TRDN: variants seen among roughly 807,000 people sequenced by gnomAD.
TRDN encodes the protein triadin in skeletal muscle.
TRDN carries 161 observed loss-of-function variants against 149.7 expected under a neutral mutation model. That is an observed-to-expected ratio of 1.08 (90% CI 0.95 to 1.23). The LOEUF (loss-of-function observed/expected upper bound fraction) is 1.23. Among genes scored for constraint, TRDN ranks in the 50% most tolerant of loss-of-function variants. The pLI is 0.00. For synonymous variants in TRDN, 294 were observed against 250.5 expected (o/e 1.17, Z -1.64); for missense variants, 896 against 823.5 (o/e 1.09, Z -1.08).
chr6:123,438,135 T>A lies in TRDN; in HGVS notation c.992-13A>T. On this transcript the variant is annotated splice_polypyrimidine_tract_variant and intron_variant, in intron 11 of 40. Coordinates refer to ENST00000334268, the MANE Select transcript of TRDN (RefSeq NM_006073.4). ...ATATCTTCTTTTTCTGCTGGTAAAA[T>A]AAGAAAGTTATAAGCCTTTACCTGT... is the stretch of plus-strand genomic sequence containing the variant. 6.4e-7 allele frequency: 1 copy of A among 1,568,616 alleles called. No individual in the cohort carries two copies. The highest frequency in any genetic ancestry group is 1.4e-5 in the African/African-American group (1 of 73,314).
intron 12 of TRDN, among the ~76,000 whole-genome samples, chr6:123,412,609 G>T (rs150835482): frequency 2.0e-5 from 3 of 151,928 alleles, no homozygotes; most frequent in African/African-American, 7.3e-5. Flanking sequence ...TACTCTTCTG[G>T]GTCTCTTAAT....
At chr6:123,328,490 T>G (rs1044941801) in intron 23 of TRDN, among the ~76,000 whole-genome samples, 1 of 152,208 alleles carries the variant, frequency 6.6e-6, no homozygotes, top group African/African-American at 2.4e-5. Flanking sequence ...CGTTTTTGTT[T>G]CTTTTTTTCC....
chr6:123,416,787 C>T (rs1003731722), intron 12 of TRDN, among the ~76,000 whole-genome samples: 22 of 151,836 alleles, frequency 1.4e-4, no homozygotes, highest in African/African-American at 4.8e-4. Context: ...CTGAAACCTC[C>T]GTCTCCCGGG....
At chr6:123,262,767 T>C (rs1282191115) in intron 33 of TRDN, among the ~76,000 whole-genome samples, 1 of 152,062 alleles carries the variant, frequency 6.6e-6, no homozygotes, top group Non-Finnish European at 1.5e-5. Context: ...ATTACATCTG[T>C]TATGGTGGTC....
At chr6:123,237,758 A>G (rs1487473388) in intron 38 of TRDN, among the ~76,000 whole-genome samples, 1 of 152,182 alleles carries the variant, frequency 6.6e-6, no homozygotes, top group Non-Finnish European at 1.5e-5. Context: ...TGGATTCCTC[A>G]AGTAGGTACA....
chr6:123,396,486 A>G (rs965355206), intron 12 of TRDN, among the ~76,000 whole-genome samples: 1 of 152,232 alleles, frequency 6.6e-6, no homozygotes, highest in Non-Finnish European at 1.5e-5. Context: ...ACAATATTCA[A>G]CTAAAGATTA....
rs1490723913 is a variant in TRDN, at chr6:123,217,870, G to A, written c.*731C>T. On this transcript the variant is annotated 3_prime_UTR_variant, in exon 41 of 41. Transcript: ENST00000334268. ...TCATTTGCTAATATTTTAAACAAAC[G>A]ATTCACCAGACCTGACTAATTGAAT... The A allele has an allele frequency of 2.0e-5, 3 of 151,884 alleles. No homozygotes were observed. Among genetic ancestry groups the A allele is most frequent in the Non-Finnish European group, 4.4e-5 (3 of 67,924 alleles). 9.4% of individuals were successfully genotyped at this position (151,884 alleles called of 1,614,324 possible). A position where few individuals can be genotyped will look rare whatever the true frequency, so the allele number is the denominator to read the frequency against.
At chr6:123,454,862 C>T (rs960111370) in intron 10 of TRDN, among the ~76,000 whole-genome samples, 55 of 152,124 alleles carry the variant, frequency 3.6e-4, no homozygotes, top group Non-Finnish European at 1.8e-4. Flanking sequence ...TCACCCCTGT[C>T]CCCGGGAAAA....
At chr6:123,249,840 T>A (rs142647842) in intron 38 of TRDN, among the ~76,000 whole-genome samples, 181 of 152,044 alleles carry the variant, frequency 1.2e-3, no homozygotes, top group Admixed American at 3.5e-3. Context: ...ATAAATAGAA[T>A]GTCCCAGCCA....
At chr6:123,604,144 A>C (rs1303829367) in intron 1 of TRDN, among the ~76,000 whole-genome samples, 2 of 152,174 alleles carry the variant, frequency 1.3e-5, no homozygotes, top group African/African-American at 4.8e-5. Flanking sequence ...ACAAGATCTG[A>C]TCCTTCCCTC....
chr6:123,480,726 T>C lies in TRDN; in HGVS notation c.854-15743A>G, dbSNP rs556570332. On this transcript the variant is annotated intron_variant, in intron 9 of 40. Transcript: ENST00000334268. ...TTCCCAGAGGTAAAATGATTACATT[T>C]ACAAAATGTATTAAAATAATTTATA... Among the ~76,000 whole-genome samples the C allele has an allele frequency of 7.2e-5, 11 of 152,216 alleles. No homozygotes were observed. In the East Asian group the frequency reaches 2.1e-3, roughly 29 times the overall value.
intron 9 of TRDN, among the ~76,000 whole-genome samples, chr6:123,465,813 T>C (rs1223437507): frequency 2.0e-5 from 3 of 152,184 alleles, no homozygotes; most frequent in Admixed American, 2.0e-4. Flanking sequence ...GAAATCAACA[T>C]GCAACATGGG....
chr6:123,614,202 G>T (rs1261740181), intron 1 of TRDN, among the ~76,000 whole-genome samples: 1 of 149,814 alleles, frequency 6.7e-6, no homozygotes. Flanking sequence ...GGGAGGCATG[G>T]CTGTAGGTAT....
intron 10 of TRDN, among the ~76,000 whole-genome samples, chr6:123,446,490 C>A (rs968362426): frequency 6.9e-6 from 1 of 145,554 alleles, no homozygotes; most frequent in Non-Finnish European, 1.5e-5. Context: ...GAGGCTGAAG[C>A]AGAAGAACGG....
intron 38 of TRDN, among the ~76,000 whole-genome samples, chr6:123,247,189 G>T (rs566965946): frequency 2.9e-4 from 44 of 152,234 alleles, no homozygotes; most frequent in African/African-American, 1.1e-3. Flanking sequence ...TTGAAAACTG[G>T]CACAAGACAA....
At chr6:123,251,131 G>A (rs1264625830) in intron 38 of TRDN, among the ~76,000 whole-genome samples, 6 of 152,022 alleles carry the variant, frequency 3.9e-5, no homozygotes, top group Non-Finnish European at 8.8e-5. Flanking sequence ...TTTTGTCCTT[G>A]CCATCAGTGG....
At chr6:123,439,047 T>C (rs1774737492) in intron 10 of TRDN, 44 bp from the exon 11 acceptor site, 1 of 1,478,188 alleles carries the variant, frequency 6.8e-7, no homozygotes, top group Non-Finnish European at 9.1e-7. Context: ...AAATTTAGTA[T>C]GAAAGCAAAA....
chr6:123,476,791 G>C (rs1013059944), intron 9 of TRDN, among the ~76,000 whole-genome samples: 26 of 150,688 alleles, frequency 1.7e-4, no homozygotes, highest in Non-Finnish European at 3.0e-5. Context: ...ACAAACCTGA[G>C]AAAAACAAGC....
At chr6:123,234,106 G>T (rs1775704824) in intron 38 of TRDN, among the ~76,000 whole-genome samples, 1 of 152,032 alleles carries the variant, frequency 6.6e-6, no homozygotes, top group Non-Finnish European at 1.5e-5. Flanking sequence ...TTTAAGTCAT[G>T]ATGGGAACCA....
Sources: allele counts gnomAD v4.1 joint callset (sites outside exome capture counted in the v4.1 genomes callset), GRCh38; gene constraint gnomAD v4.1.1; transcripts MANE v1.5; gene names NCBI Gene and HGNC (gene_info 2026-07-23, HGNC 2026-07-21).